The following CNTNAP2 variants were observed in gnomAD, a reference collection of about 807,000 sequenced individuals.
CNTNAP2 encodes the protein contactin associated protein 2, also known as contactin-associated protein-like 2.
In CNTNAP2, 98 loss-of-function variants were observed where a neutral mutation model predicts 155.2. The observed-to-expected ratio is 0.63, with a 90% CI of 0.54 to 0.75. CNTNAP2 has a LOEUF of 0.75. Among genes scored for constraint, CNTNAP2 ranks in the 30% least tolerant of loss-of-function variants. CNTNAP2 has a pLI of 0.00. For missense variants in CNTNAP2, 1,727 were observed against 1,688.1 expected (o/e 1.02, Z -0.40); for synonymous variants, 651 against 631.2 (o/e 1.03, Z -0.47).
At chr7:147,455,814 T>A (rs1434413200) in intron 10 of CNTNAP2, among the ~76,000 whole-genome samples, 1 of 152,084 alleles carries the variant, frequency 6.6e-6, no homozygotes, top group Non-Finnish European at 1.5e-5. Context: ...ACATTATAAA[T>A]GATATCACAC....
intron 22 of CNTNAP2, among the ~76,000 whole-genome samples, chr7:148,389,364 GCT>G (rs1799293333): frequency 6.6e-6 from 1 of 152,054 alleles, no homozygotes; most frequent in Admixed American, 6.5e-5. Flanking sequence ...CCCTGCACAA[GCT>G]CTCTCTTTGC....
At chr7:146,440,672 C>T (rs1724483) in intron 1 of CNTNAP2, among the ~76,000 whole-genome samples, 5,643 of 151,550 alleles carry the variant, frequency 0.037, 606 homozygotes, top group African/African-American at 0.13. Context: ...CACAATTTTC[C>T]ATTGTTTTAA....
intron 12 of CNTNAP2, among the ~76,000 whole-genome samples, chr7:147,563,611 G>C (rs1182461114): frequency 7.2e-6 from 1 of 139,646 alleles, no homozygotes; most frequent in African/African-American, 2.7e-5. Flanking sequence ...CTTGGTGACA[G>C]AGCAAGACTC....
At chr7:147,156,022 A>G (rs942917782) in intron 8 of CNTNAP2, among the ~76,000 whole-genome samples, 3 of 152,142 alleles carry the variant, frequency 2.0e-5, no homozygotes, top group African/African-American at 7.2e-5. Context: ...CACTGGAAAG[A>G]ATAGGAAATG....
In CNTNAP2 at chr7:147,036,956, C is replaced by A. The variant is rs1384207573; in HGVS notation, c.403-6951C>A. Among the ~76,000 whole-genome samples, 4 of 151,970 alleles carry A rather than the reference C, an allele frequency of 2.6e-5. No individual in the cohort carries two copies. The East Asian group carries it at 7.7e-4, about 29-fold the overall frequency. ...AAGACCTATGATAGTTTATTCTTTACTTTAGTATTTACTAAATAAGATGCC... is the reference window on the plus strand; with the variant it reads ...AAGACCTATGATAGTTTATTCTTTAATTTAGTATTTACTAAATAAGATGCC... On this transcript the variant is annotated intron_variant, in intron 3 of 23. Transcript: ENST00000361727.
At chr7:146,868,552 T>C (rs1795246886) in intron 3 of CNTNAP2, among the ~76,000 whole-genome samples, 1 of 152,132 alleles carries the variant, frequency 6.6e-6, no homozygotes, top group South Asian at 2.1e-4. Flanking sequence ...GTTCTGTGAA[T>C]AATAATCTTG....
chr7:147,255,260 C>A (rs1804295423), intron 8 of CNTNAP2, among the ~76,000 whole-genome samples: 1 of 152,158 alleles, frequency 6.6e-6, no homozygotes, highest in African/African-American at 2.4e-5. Flanking sequence ...CTTGCTCTAT[C>A]CCCAAGGCTG....
At chr7:146,777,461 T>A (rs1802410181) in intron 2 of CNTNAP2, among the ~76,000 whole-genome samples, 1 of 152,190 alleles carries the variant, frequency 6.6e-6, no homozygotes, top group Non-Finnish European at 1.5e-5. Context: ...TCACCCTTGT[T>A]GGCCACGTAA....
chr7:148,044,138 G>A (rs536775219), intron 15 of CNTNAP2, among the ~76,000 whole-genome samples: 131 of 151,218 alleles, frequency 8.7e-4, no homozygotes, highest in African/African-American at 2.8e-3. Flanking sequence ...CTTTAGACCC[G>A]TGTGGATCCG....
chr7:147,805,606 C>T (rs993680902), intron 13 of CNTNAP2, among the ~76,000 whole-genome samples: 7 of 152,020 alleles, frequency 4.6e-5, no homozygotes, highest in African/African-American at 7.2e-5. Context: ...TCTTTTGTAC[C>T]CTATTGGTTG....
chr7:148,262,842 A>G lies in CNTNAP2; in HGVS notation c.3382-4191A>G, dbSNP rs1025658790. 2.6e-5 allele frequency among the ~76,000 whole-genome samples: 4 copies of G among 152,310 alleles called. No individual in the cohort carries two copies. The South Asian group carries it at 6.2e-4, about 24-fold the overall frequency. ...AAATTGCAGAATGGTCTCGTGTCAC[A>G]TGGTCAGGTCCTGGAGAGCCCTGAT... On this transcript the variant is annotated intron_variant, in intron 20 of 23. Coordinates refer to ENST00000361727, the MANE Select transcript of CNTNAP2 (RefSeq NM_014141.6).
chr7:146,151,180 A>G lies in CNTNAP2; in HGVS notation c.97+34207A>G, dbSNP rs1205317202. Among the ~76,000 whole-genome samples the G allele has an allele frequency of 3.3e-5, 5 of 152,070 alleles. No individual in the cohort carries two copies. In the East Asian group the frequency reaches 9.7e-4, roughly 29 times the overall value. ...CACTTCCCACCAGGTTTCTTCCTCA[A>G]CATCCGGGGATTACAATTCAAGATG... is the stretch of plus-strand genomic sequence containing the variant. On this transcript the variant is annotated intron_variant, in intron 1 of 23. Coordinates refer to ENST00000361727, the MANE Select transcript of CNTNAP2 (RefSeq NM_014141.6).
At chr7:147,092,994 A>G (rs896325125) in intron 4 of CNTNAP2, among the ~76,000 whole-genome samples, 1 of 151,952 alleles carries the variant, frequency 6.6e-6, no homozygotes, top group Non-Finnish European at 1.5e-5. Context: ...AGGCCGAGGC[A>G]GGCGGATCAC....
chr7:146,560,416 C>T (rs570844968), intron 1 of CNTNAP2, among the ~76,000 whole-genome samples: 3 of 150,930 alleles, frequency 2.0e-5, no homozygotes, highest in Admixed American at 6.6e-5. Context: ...TGTGTATACA[C>T]GTGTGTGTAT....
intron 9 of CNTNAP2, among the ~76,000 whole-genome samples, chr7:147,346,780 A>G (rs1278203293): frequency 6.6e-6 from 1 of 152,224 alleles, no homozygotes. Context: ...GAGTGGATCT[A>G]GACTGACCTT....
rs566384761 is a variant in CNTNAP2 at position 148,087,384 on chromosome 7, T to C, written c.2384-30734T>C. The stretch of plus-strand genomic sequence containing the variant: ...ACATATATTAAATCCCCATTAAACA[T>C]ACCCTATTTCATTTACCCTTCTTTA... On this transcript the variant is annotated intron_variant, in intron 15 of 23. Transcript: ENST00000361727. Among the ~76,000 whole-genome samples, 27 of 152,322 alleles carry C rather than the reference T, an allele frequency of 1.8e-4. 1 individual carries two copies. In the East Asian group the frequency reaches 4.8e-3, roughly 27 times the overall value.
Position 147,791,532 on chromosome 7 carries a change from A to G in CNTNAP2, c.2099-112033A>G, listed in dbSNP as rs963527483. Among the ~76,000 whole-genome samples the G allele has an allele frequency of 2.0e-5, 3 of 150,414 alleles. No individual in the cohort carries two copies. The Admixed American group carries it at 2.0e-4, about 10-fold the overall frequency. The stretch of plus-strand genomic sequence containing the variant: ...CTTTTTGGTATTTACTCATCACTGA[A>G]TAAGGGAACTAATTCGGTTATGAAG... On this transcript the variant is annotated intron_variant, in intron 13 of 23. Transcript: ENST00000361727.
intron 14 of CNTNAP2, among the ~76,000 whole-genome samples, chr7:147,961,615 A>G (rs540980898): frequency 2.8e-4 from 43 of 152,318 alleles, no homozygotes; most frequent in Non-Finnish European, 5.9e-4. Flanking sequence ...CTATTGGGCA[A>G]TATTAAAACC....
intron 13 of CNTNAP2, among the ~76,000 whole-genome samples, chr7:147,775,221 CA>C (rs1312726994): frequency 2.8e-5 from 3 of 108,878 alleles, no homozygotes; most frequent in African/African-American, 1.2e-4. Flanking sequence ...CCTATAAATA[CA>C]AAAGAAATAT....
Sources: gnomAD v4.1 joint callset for allele counts (sites outside exome capture counted in the v4.1 genomes callset) on GRCh38, gnomAD v4.1.1 for gene constraint, MANE v1.5 for transcripts, NCBI Gene and HGNC (gene_info 2026-07-23, HGNC 2026-07-21) for gene names.